Variants in MRPS31 observed in about 807,000 individuals in gnomAD.
MRPS31 encodes the protein mitochondrial ribosomal protein S31, also known as small ribosomal subunit protein mS31.
A neutral mutation model predicts 43.1 loss-of-function variants in MRPS31; 32 were observed. The ratio of observed to expected loss-of-function variants is 0.74; its 90% CI spans 0.56 to 1.00. MRPS31 has a LOEUF of 1.00. Ranked by LOEUF, MRPS31 falls within the 50% of genes least tolerant of loss-of-function variation. MRPS31 has a pLI of 0.00. For synonymous variants in MRPS31, 165 were observed against 161.6 expected, an observed-to-expected ratio of 1.02 and a Z score of -0.16; for missense variants, 437 against 466.7, an observed-to-expected ratio of 0.94 and a Z score of 0.59.
chr13:40,759,137 A>T, intron 2 of MRPS31, 31 bp from the exon 3 acceptor site: 3 of 1,533,400 alleles, frequency 2.0e-6, no homozygotes, highest in Non-Finnish European at 2.6e-6. Context: ...CAAATGAGAA[A>T]GAAAAAAAAA....
At chr13:40,733,364 T>C (rs1477146793) in intron 6 of MRPS31, among the ~76,000 whole-genome samples, 2 of 151,952 alleles carry the variant, frequency 1.3e-5, no homozygotes, top group African/African-American at 4.8e-5. Flanking sequence ...GATTGTAAGA[T>C]AATAGTTAAA....
intron 3 of MRPS31, among the ~76,000 whole-genome samples, chr13:40,757,738 C>T (rs1217009311): frequency 1.4e-5 from 2 of 147,138 alleles, no homozygotes; most frequent in Non-Finnish European, 3.0e-5. Flanking sequence ...GCCAGTGCGC[C>T]TGGCTTTTTT....
chr13:40,748,300 G>A (rs538841141), intron 6 of MRPS31, among the ~76,000 whole-genome samples: 5 of 152,260 alleles, frequency 3.3e-5, no homozygotes, highest in African/African-American at 1.2e-4. Context: ...TGGGATTACA[G>A]GCATGCACCA....
chr13:40,770,928 G>T, intron 1 of MRPS31, 57 bp downstream of exon 1: 1 of 1,608,656 alleles, frequency 6.2e-7, no homozygotes, highest in South Asian at 1.1e-5. Context: ...TGGTAACATC[G>T]ACCCCAGGAA....
At chr13:40,735,691 G>A (rs945106623) in intron 6 of MRPS31, among the ~76,000 whole-genome samples, 1 of 151,926 alleles carries the variant, frequency 6.6e-6, no homozygotes, top group East Asian at 1.9e-4. Context: ...CACACTGCAG[G>A]GTACTCCAAC....
intron 6 of MRPS31, among the ~76,000 whole-genome samples, chr13:40,746,733 A>C (rs919843288): frequency 2.6e-5 from 4 of 152,214 alleles, no homozygotes; most frequent in African/African-American, 9.6e-5. Flanking sequence ...CTAATATTTT[A>C]AGATTTAAAA....
At chr13:40,729,792 G>A (rs1000013067) in intron 6 of MRPS31, among the ~76,000 whole-genome samples, 191 bp from the exon 7 acceptor site, 3 of 149,380 alleles carry the variant, frequency 2.0e-5, no homozygotes, top group African/African-American at 7.4e-5. Context: ...GGAGTGGCAC[G>A]ATCTCAGCTC....
intron 2 of MRPS31, 61 bp from the exon 3 acceptor site, chr13:40,759,167 G>A (rs1880622513): frequency 2.2e-6 from 3 of 1,351,554 alleles, no homozygotes; most frequent in South Asian, 3.1e-5. Context: ...GCCAGGTGCG[G>A]TGGCTCATGC....
chr13:40,764,951 G>T (rs1437428032), intron 2 of MRPS31, among the ~76,000 whole-genome samples: 1 of 152,116 alleles, frequency 6.6e-6, no homozygotes, highest in East Asian at 1.9e-4. Context: ...ATCAATGAAG[G>T]TTCAATATTT....
chr13:40,746,913 A>G (rs1880253552), intron 6 of MRPS31, among the ~76,000 whole-genome samples: 2 of 152,260 alleles, frequency 1.3e-5, no homozygotes, highest in African/African-American at 4.8e-5. Context: ...ATCTTGTATA[A>G]TGAGTCCTAT....
intron 5 of MRPS31, chr13:40,752,448 G>C (rs1874482833): frequency 6.6e-6 from 1 of 152,094 alleles, no homozygotes; most frequent in African/African-American, 2.4e-5. Flanking sequence ...ATATAAGAAG[G>C]GGGTTGTTCT....
intron 6 of MRPS31, 29 bp from the exon 7 acceptor site, chr13:40,729,630 T>C: frequency 7.5e-7 from 1 of 1,339,466 alleles, no homozygotes; most frequent in Non-Finnish European, 1.1e-6. Context: ...TACATTACAT[T>C]ATAATTTTAA....
Position 40,763,147 on chromosome 13 carries a change from A to T in MRPS31, c.440+3599T>A, listed in dbSNP as rs557358520. On this transcript the variant is annotated intron_variant, in intron 2 of 6. Coordinates refer to ENST00000323563, the MANE Select transcript of MRPS31 (RefSeq NM_005830.4). ...TTTGGTTACTGCTGCATCACCAGGG[A>T]TATTCTTAGGTTCCACTAAACATTC... 2.4e-4 allele frequency among the ~76,000 whole-genome samples: 37 copies of T among 152,262 alleles called. 1 individual carries two copies. The highest frequency in any genetic ancestry group is 7.9e-4 in the African/African-American group (33 of 41,548).
chr13:40,756,484 C>A (rs1566109929), intron 4 of MRPS31, among the ~76,000 whole-genome samples: 1 of 152,128 alleles, frequency 6.6e-6, no homozygotes. Context: ...AACAGATAAG[C>A]ACGTATTGAG....
At chr13:40,752,310 C>T (rs1880413278) in intron 5 of MRPS31, 2 of 152,286 alleles carry the variant, frequency 1.3e-5, no homozygotes, top group African/African-American at 4.8e-5. Context: ...AGGCATGAGC[C>T]ACCGTGCCCG....
intron 4 of MRPS31, 69 bp downstream of exon 4, chr13:40,756,804 A>G: frequency 6.6e-7 from 1 of 1,518,886 alleles, no homozygotes; most frequent in Admixed American, 1.8e-5. Flanking sequence ...ACACACAATA[A>G]GGTAAATCTA....
At chr13:40,734,941 G>A (rs1218646483) in intron 6 of MRPS31, among the ~76,000 whole-genome samples, 1 of 152,184 alleles carries the variant, frequency 6.6e-6, no homozygotes, top group Non-Finnish European at 1.5e-5. Context: ...CAAGATGGCC[G>A]AATAGCAACA....
At chr13:40,753,628 T>C (rs1185979468) in intron 5 of MRPS31, among the ~76,000 whole-genome samples, 1 of 152,012 alleles carries the variant, frequency 6.6e-6, no homozygotes, top group East Asian at 1.9e-4. Context: ...AACCCAAACA[T>C]CCCAGGGCAT....
intron 6 of MRPS31, among the ~76,000 whole-genome samples, chr13:40,731,550 C>A (rs1485693270): frequency 2.0e-5 from 3 of 150,016 alleles, no homozygotes; most frequent in Non-Finnish European, 1.5e-5. Flanking sequence ...TCACTGCACT[C>A]CAGCCTGGGC....
Sources: allele counts gnomAD v4.1 joint callset (sites outside exome capture counted in the v4.1 genomes callset), GRCh38; gene constraint gnomAD v4.1.1; transcripts MANE v1.5; gene names NCBI Gene and HGNC (gene_info 2026-07-23, HGNC 2026-07-21).